The following GPM6A variants were observed in gnomAD, a reference collection of about 807,000 sequenced individuals.
The protein encoded by GPM6A is neuronal membrane glycoprotein M6-a.
GPM6A carries 7 observed loss-of-function variants against 32.1 expected under a neutral mutation model. The observed-to-expected ratio is 0.22, with a 90% CI of 0.12 to 0.41. The LOEUF is 0.41. GPM6A is among the 10% of genes least tolerant of loss of function. GPM6A has a pLI of 1.00. For synonymous variants in GPM6A, 130 were observed against 123.4 expected (o/e 1.05, Z -0.35); for missense variants, 235 against 347.2 (o/e 0.68, Z 2.57).
At chr4:175,640,725 CAAAATT>C (rs776072138) in intron 5 of GPM6A, 22 bp downstream of exon 5, 6 of 1,421,140 alleles carry the variant, frequency 4.2e-6, no homozygotes, top group Middle Eastern at 1.8e-4. Context: ...AAAATTCTGA[CAAAATT>C]AAAGGCTGTA....
chr4:175,835,251 A>C (rs1735728403), intron 1 of GPM6A, among the ~76,000 whole-genome samples: 1 of 152,220 alleles, frequency 6.6e-6, no homozygotes, highest in Non-Finnish European at 1.5e-5. Context: ...ATGATTAGGA[A>C]ACGTAAATTT....
intron 1 of GPM6A, among the ~76,000 whole-genome samples, chr4:175,746,838 T>C (rs1441473978): frequency 6.6e-6 from 1 of 152,180 alleles, no homozygotes; most frequent in Non-Finnish European, 1.5e-5. Context: ...ATATAATAAC[T>C]GAACTGAAAA....
At chr4:175,760,191 A>G (rs1732684134) in intron 1 of GPM6A, among the ~76,000 whole-genome samples, 1 of 152,048 alleles carries the variant, frequency 6.6e-6, no homozygotes. Context: ...AAATAATAAT[A>G]AAATAATAAA....
chr4:175,788,816 G>GA (rs1733900106), intron 1 of GPM6A, among the ~76,000 whole-genome samples: 1 of 152,082 alleles, frequency 6.6e-6, no homozygotes, highest in Non-Finnish European at 1.5e-5. Flanking sequence ...CATATAAATA[G>GA]AATGAAGACA....
At chr4:175,672,910 T>C (rs1025221256) in intron 3 of GPM6A, among the ~76,000 whole-genome samples, 1 of 152,210 alleles carries the variant, frequency 6.6e-6, no homozygotes, top group African/African-American at 2.4e-5. Context: ...CAGGCATTTT[T>C]GAACATTTCT....
chr4:175,766,911 TC>T (rs1359193396), intron 1 of GPM6A, among the ~76,000 whole-genome samples: 1 of 152,136 alleles, frequency 6.6e-6, no homozygotes, highest in African/African-American at 2.4e-5. Context: ...TGCCTCGGCC[TC>T]CTAAAGTGCT....
At chr4:175,878,341 G>C (rs1737153118) in intron 1 of GPM6A, among the ~76,000 whole-genome samples, 1 of 152,126 alleles carries the variant, frequency 6.6e-6, no homozygotes, top group Non-Finnish European at 1.5e-5. Context: ...TTTCCAAGTT[G>C]CCCTAGCAGA....
chr4:175,798,418 C>T (rs918556444), intron 1 of GPM6A, among the ~76,000 whole-genome samples: 10 of 152,120 alleles, frequency 6.6e-5, no homozygotes, highest in African/African-American at 2.4e-4. Flanking sequence ...TTCAGTTATT[C>T]AAGACAAATA....
intron 1 of GPM6A, among the ~76,000 whole-genome samples, chr4:175,740,328 A>G (rs1038757607): frequency 5.9e-5 from 9 of 152,116 alleles, no homozygotes; most frequent in South Asian, 4.1e-4. Flanking sequence ...GATATTTTGG[A>G]TGATAACTTG....
intron 1 of GPM6A, among the ~76,000 whole-genome samples, chr4:175,965,632 A>G (rs2126411495): frequency 1.3e-5 from 2 of 149,110 alleles, no homozygotes; most frequent in South Asian, 4.2e-4. Flanking sequence ...TTTTTTTTCC[A>G]AGACAGAGTT....
rs576896382 is a variant in GPM6A at position 175,818,747 on chromosome 4, T to C, written c.-22-6498A>G. Among the ~76,000 whole-genome samples, 9 of 152,380 alleles carry C rather than the reference T, an allele frequency of 5.9e-5. No individual in the cohort carries two copies. The East Asian group carries it at 1.5e-3, about 26-fold the overall frequency. Reference sequence around the variant, plus strand: ...CATAATTTACAATAACTTGGGGAGATACATATCATGTTCATATGTAACAAA... The same window carrying C: ...CATAATTTACAATAACTTGGGGAGACACATATCATGTTCATATGTAACAAA... On this transcript the variant is annotated intron_variant, in intron 1 of 7. Coordinates refer to the GPM6A transcript ENST00000280187.
chr4:175,869,085 C>T (rs769456873), intron 1 of GPM6A, among the ~76,000 whole-genome samples: 10 of 152,132 alleles, frequency 6.6e-5, no homozygotes, highest in South Asian at 2.1e-4. Flanking sequence ...TGACTTACTT[C>T]GAAACACCAT....
In GPM6A at chr4:175,729,410, G is replaced by A. The variant is rs537543332; in HGVS notation, c.38-27643C>T. Among the ~76,000 whole-genome samples, 3 of 152,228 alleles carry A rather than the reference G, an allele frequency of 2.0e-5. No individual in the cohort carries two copies. The Middle Eastern group carries it at 0.01, about 518-fold the overall frequency. ...TTGACCCATTCAGAGTCTCCTCTAT[G>A]TTCCAAGTGAAAATCCCTTCACTAT... is the stretch of plus-strand genomic sequence containing the variant. On this transcript the variant is annotated intron_variant, in intron 1 of 6. Coordinates refer to ENST00000393658, the MANE Select transcript of GPM6A (RefSeq NM_201591.3).
At chr4:175,694,851 C>T (rs1394143754) in intron 2 of GPM6A, among the ~76,000 whole-genome samples, 2 of 151,902 alleles carry the variant, frequency 1.3e-5, no homozygotes, top group African/African-American at 2.4e-5. Context: ...CCCCTCCCAT[C>T]ACAGGCCCAG....
chr4:175,830,537 G>A (rs558297348), intron 1 of GPM6A, among the ~76,000 whole-genome samples: 7 of 151,928 alleles, frequency 4.6e-5, no homozygotes, highest in East Asian at 3.9e-4. Flanking sequence ...CTAATATTAC[G>A]CCCATTGTTT....
chr4:175,640,521 T>C (rs973785113), intron 5 of GPM6A, among the ~76,000 whole-genome samples: 2 of 152,170 alleles, frequency 1.3e-5, no homozygotes, highest in Admixed American at 6.6e-5. Flanking sequence ...CAGCCTTCAT[T>C]AAAATGAGTT....
In GPM6A at chr4:175,850,660, C is replaced by A. The variant is rs189295265; in HGVS notation, c.-22-38411G>T. 3.9e-3 allele frequency among the ~76,000 whole-genome samples: 598 copies of A among 151,794 alleles called. 5 individuals are homozygous for A. The highest frequency in any genetic ancestry group is 0.014 in the African/African-American group (564 of 41,400). On this transcript the variant is annotated intron_variant, in intron 1 of 7. Coordinates refer to the GPM6A transcript ENST00000280187. ...TCTCAGGTGGAATTTTCTTAGACCC[C>A]AATATCTGTTTATCTGATGCATTGC...
rs61056249 is a variant in GPM6A, at chr4:175,894,792, C to T, written c.-22-82543G>A. On this transcript the variant is annotated intron_variant, in intron 1 of 7. Coordinates refer to the GPM6A transcript ENST00000280187. ...GTATCATTTAGGAGGAAAACTCATA[C>T]ACAAAATATTATACAAAGAATACAT... Among the ~76,000 whole-genome samples the T allele has an allele frequency of 8.3e-3, 1,241 of 149,526 alleles. 23 individuals are homozygous for T. Among genetic ancestry groups the T allele is most frequent in the African/African-American group, 0.027 (1,101 of 41,362 alleles).
At chr4:175,994,478 T>C (rs771386639) in intron 1 of GPM6A, among the ~76,000 whole-genome samples, 9 of 152,192 alleles carry the variant, frequency 5.9e-5, no homozygotes, top group Non-Finnish European at 1.2e-4. Flanking sequence ...ATAAAAGTTA[T>C]GTTTACACTA....
Sources: allele counts gnomAD v4.1 joint callset (sites outside exome capture counted in the v4.1 genomes callset), GRCh38; gene constraint gnomAD v4.1.1; transcripts MANE v1.5; gene names NCBI Gene and HGNC (gene_info 2026-07-23, HGNC 2026-07-21).